The following SH3YL1 variants were observed in gnomAD, a reference collection of about 807,000 sequenced individuals.
The protein encoded by SH3YL1 is SH3 domain-containing YSC84-like protein 1.
A neutral mutation model predicts 45.8 loss-of-function variants in SH3YL1; 41 were observed. The observed-to-expected ratio is 0.89, with a 90% CI of 0.70 to 1.16. The LOEUF (loss-of-function observed/expected upper bound fraction) is 1.16, where lower values mean the gene tolerates loss of function less well. Ranked by LOEUF, SH3YL1 falls within the 50% of genes most tolerant of loss-of-function variation. The probability of loss-of-function intolerance (pLI) is 0.00; values close to 1 mark genes in which losing one functional copy is unlikely to be tolerated. For synonymous variants in SH3YL1, 152 were observed against 151.4 expected (o/e 1.00, Z -0.03); for missense variants, 389 against 409.6 (o/e 0.95, Z 0.43).
At chr2:220,736 T>G (rs991650725) in intron 9 of SH3YL1, among the ~76,000 whole-genome samples, 1 of 152,222 alleles carries the variant, frequency 6.6e-6, no homozygotes, top group African/African-American at 2.4e-5. Context: ...CATGATTATA[T>G]TTAGGATATC....
At chr2:254,882 A>G (rs553568619) in intron 1 of SH3YL1, among the ~76,000 whole-genome samples, 90 of 152,306 alleles carry the variant, frequency 5.9e-4, no homozygotes, top group African/African-American at 2.0e-3. Context: ...TATTCCTGTA[A>G]ATCACAAAGG....
At chr2:227,674 G>A (rs938837669) in intron 8 of SH3YL1, among the ~76,000 whole-genome samples, 1 of 152,136 alleles carries the variant, frequency 6.6e-6, no homozygotes, top group Non-Finnish European at 1.5e-5. Flanking sequence ...GTTTGTACAT[G>A]CCATGTGTAG....
intron 4 of SH3YL1, among the ~76,000 whole-genome samples, chr2:234,529 G>A (rs968755790): frequency 6.6e-6 from 1 of 152,188 alleles, no homozygotes; most frequent in African/African-American, 2.4e-5. Flanking sequence ...CCTGCATCAT[G>A]TCCTTCAATC....
At chr2:230,778 T>C (rs1313956966) in intron 7 of SH3YL1, 2 of 459,162 alleles carry the variant, frequency 4.4e-6, no homozygotes, top group Non-Finnish European at 7.8e-6. Flanking sequence ...CACATATTAT[T>C]TGTATTATTG....
chr2:249,951 T>C, intron 2 of SH3YL1, 107 bp from the exon 3 acceptor site: 3 of 749,996 alleles, frequency 4.0e-6, no homozygotes, highest in African/African-American at 1.8e-5. Flanking sequence ...TCTCTAGGAA[T>C]TCGGGGCACA....
rs997149150 is a variant in SH3YL1 at position 240,778 on chromosome 2, A to G, written c.292-6506T>C. On this transcript the variant is annotated intron_variant, in intron 4 of 9. Coordinates refer to ENST00000356150, the MANE Select transcript of SH3YL1 (RefSeq NM_015677.4). The stretch of plus-strand genomic sequence containing the variant: ...ACAGGTCACGGACAGGGACAGTCAG[A>G]ACACCTGTCATCTCAGGAAAACTAT... 7 of 152,304 alleles carry G rather than the reference A, an allele frequency of 4.6e-5. 1 individual carries two copies. The highest frequency in any genetic ancestry group is 6.5e-5 in the Admixed American group (1 of 15,288). 9.4% of individuals were successfully genotyped at this position (152,304 alleles called of 1,614,324 possible).
intron 8 of SH3YL1, chr2:229,747 AAAG>A: frequency 1.1e-5 from 4 of 379,766 alleles, no homozygotes; most frequent in Non-Finnish European, 9.5e-6. Context: ...AAAAAAAAAA[AAAG>A]AAAGTGTCTT....
At chr2:247,377 T>G (rs1488773914) in intron 4 of SH3YL1, among the ~76,000 whole-genome samples, 161 bp downstream of exon 4, 1 of 152,232 alleles carries the variant, frequency 6.6e-6, no homozygotes, top group Non-Finnish European at 1.5e-5. Flanking sequence ...AACCATCAGA[T>G]AGCTTTAGTT....
Position 249,831 on chromosome 2 carries a change from C to T in SH3YL1, c.126G>A (p.Ala42=). ...ACAGAATTGCAAGGCCTTTAGCCTT[C>T]GCAATTACGTGAGCTGTTAACGTGG... ...PDKIIPAHVI[A]KAKGLAILSV... is the part of the protein sequence containing the mutation. Residue 42 remains alanine (A), a synonymous_variant, in exon 3 of 10, where the codon GCG becomes GCA. Coordinates refer to ENST00000356150, the MANE Select transcript of SH3YL1 (RefSeq NM_015677.4). 7 of 1,551,344 alleles carry T rather than the reference C, an allele frequency of 4.5e-6. No individual in the cohort carries two copies. Among genetic ancestry groups the T allele is most frequent in the Non-Finnish European group, 6.1e-6 (7 of 1,146,390 alleles).
chr2:259,945 G>A (rs1669516254), intron 1 of SH3YL1: 1 of 151,614 alleles, frequency 6.6e-6, no homozygotes, highest in East Asian at 1.9e-4. Flanking sequence ...ACCCAAGTAT[G>A]GCAACAAAAT....
At chr2:220,421 G>T (rs1480348550) in intron 9 of SH3YL1, among the ~76,000 whole-genome samples, 2 of 151,940 alleles carry the variant, frequency 1.3e-5, no homozygotes, top group Admixed American at 6.6e-5. Context: ...ATAATAAAAA[G>T]AATTTCTGTA....
intron 4 of SH3YL1, 68 bp from the exon 5 acceptor site, chr2:234,340 T>G: frequency 8.2e-7 from 1 of 1,222,924 alleles, no homozygotes; most frequent in Non-Finnish European, 1.2e-6. Flanking sequence ...TCATCTTGAC[T>G]AACACTCAAC....
chr2:225,318 G>A (rs1255680388), intron 8 of SH3YL1, among the ~76,000 whole-genome samples: 1 of 152,238 alleles, frequency 6.6e-6, no homozygotes, highest in Non-Finnish European at 1.5e-5. Context: ...CCGTTCTGAC[G>A]CTCTGGGGTG....
At chr2:260,826 C>A (rs1337530912) in intron 1 of SH3YL1, 4 of 152,236 alleles carry the variant, frequency 2.6e-5, no homozygotes, top group Non-Finnish European at 4.4e-5. Flanking sequence ...AGTATTAGAG[C>A]AAATAAGCAA....
At chr2:262,749 T>A (rs1669637841) in intron 1 of SH3YL1, 2 of 1,197,478 alleles carry the variant, frequency 1.7e-6, no homozygotes, top group African/African-American at 3.2e-5. Context: ...AGATCCTTAT[T>A]TCTGCGGAAT....
intron 1 of SH3YL1, among the ~76,000 whole-genome samples, chr2:257,094 CTTG>C (rs1182728255): frequency 6.6e-6 from 1 of 151,804 alleles, no homozygotes; most frequent in Non-Finnish European, 1.5e-5. Context: ...TGTTTTTTTG[CTTG>C]TTAATTTGTT....
At chr2:242,305 ACATT>A (rs1668578361) in intron 4 of SH3YL1, 1 of 152,124 alleles carries the variant, frequency 6.6e-6, no homozygotes, top group Non-Finnish European at 1.5e-5. Context: ...AAAATTATAT[ACATT>A]ATTAACTATA....
Position 253,132 on chromosome 2 carries a change from GAT to G in SH3YL1, c.2-19_2-18del. On this transcript the variant is annotated intron_variant, in intron 1 of 9. Coordinates refer to ENST00000356150, the MANE Select transcript of SH3YL1 (RefSeq NM_015677.4). ...GGTTATTCACTGAAACATAACAAAA[GAT>G]ATTTTAATGAAAAATTCTGCTAAAT... 7.4e-7 allele frequency: 1 copy of G among 1,351,884 alleles called. No individual in the cohort carries two copies. Among genetic ancestry groups the G allele is most frequent in the Non-Finnish European group, 1.0e-6 (1 of 984,204 alleles). 83.7% of individuals were successfully genotyped at this position (1,351,884 alleles called of 1,614,324 possible). A position where few individuals can be genotyped will look rare whatever the true frequency, so the allele number is the denominator to read the frequency against.
rs1667486526 is a variant in SH3YL1, at chr2:219,477, C to A, written c.839-476G>T. Among the ~76,000 whole-genome samples the A allele has an allele frequency of 2.0e-5, 3 of 152,050 alleles. 1 individual carries two copies. Among genetic ancestry groups the A allele is most frequent in the Admixed American group, 6.6e-5 (1 of 15,256 alleles). ...CACCTTCCTCCTTGTGAGGACACAGCCAGATGGCACCATCTCTGAGGCAGA... is the reference window on the plus strand; with the variant it reads ...CACCTTCCTCCTTGTGAGGACACAGACAGATGGCACCATCTCTGAGGCAGA... On this transcript the variant is annotated intron_variant, in intron 9 of 9. Transcript: ENST00000356150.
Sources: allele counts gnomAD v4.1 joint callset (sites outside exome capture counted in the v4.1 genomes callset), GRCh38; gene constraint gnomAD v4.1.1; transcripts MANE v1.5; gene names NCBI Gene and HGNC (gene_info 2026-07-23, HGNC 2026-07-21).